SRC: variants seen among roughly 807,000 people sequenced by gnomAD.
SRC encodes SRC proto-oncogene, non-receptor tyrosine kinase, also known as proto-oncogene tyrosine-protein kinase Src.
Under a neutral mutation model 62.9 loss-of-function variants are expected in SRC, and 13 were observed. The observed-to-expected ratio is 0.21, with a 90% CI of 0.13 to 0.33. The LOEUF is 0.33. Among genes scored for constraint, SRC ranks in the 10% least tolerant of loss-of-function variants. SRC has a pLI of 1.00. For missense variants in SRC, 457 were observed against 737.3 expected, an observed-to-expected ratio of 0.62 and a Z score of 4.40; for synonymous variants, 302 against 317.5, an observed-to-expected ratio of 0.95 and a Z score of 0.52.
Position 37,402,335 on chromosome 20 carries a change from G to T in SRC, c.1117-100G>T. The T allele has an allele frequency of 2.1e-6, 3 of 1,433,434 alleles. No individual in the cohort carries two copies. Among genetic ancestry groups the T allele is most frequent in the Non-Finnish European group, 2.9e-6 (3 of 1,052,408 alleles). 88.8% of individuals were successfully genotyped at this position (1,433,434 alleles called of 1,614,324 possible). On this transcript the variant is annotated intron_variant, in intron 11 of 13. Transcript: ENST00000373578. The surrounding 1 kb of genome is among the most constrained non-coding windows in gnomAD (Gnocchi z 6.2). ...CACTTGCCTGAAGAAGTGTGGGGAG[G>T]GTGGGGAAGGGGTGGTTGGCTCTCC...
chr20:37,388,482 A>C (rs2070490588), intron 5 of SRC, among the ~76,000 whole-genome samples: 1 of 152,212 alleles, frequency 6.6e-6, no homozygotes, highest in African/African-American at 2.4e-5. Context: ...GCGGTGGCTC[A>C]CGCCTGTAAT....
At position 37,403,033 on chromosome 20, in the gene SRC, C is replaced by T. The variant is rs909866139; in HGVS notation, c.1403-138C>T. 3.0e-6 allele frequency: 4 copies of T among 1,313,698 alleles called. No homozygotes were observed. Among genetic ancestry groups the T allele is most frequent in the Non-Finnish European group, 4.1e-6 (4 of 980,142 alleles). The allele number at this position is 1,313,698 out of a possible 1,614,324, so 81.4% of individuals were successfully genotyped here. A position where few individuals can be genotyped will look rare whatever the true frequency, so the allele number is the denominator to read the frequency against. ...AGGCTCTCTCGATGGTCCATGCTCT[C>T]AGCTTCGGGGACAGGACTTATCTAT... is the stretch of plus-strand genomic sequence containing the variant. On this transcript the variant is annotated intron_variant, in intron 13 of 13. Coordinates refer to ENST00000373578, the MANE Select transcript of SRC (RefSeq NM_198291.3). The surrounding 1 kb of genome is among the most constrained non-coding windows in gnomAD (Gnocchi z 7.1).
chr20:37,389,954 T>G (rs1601005231), intron 5 of SRC, among the ~76,000 whole-genome samples: 1 of 152,162 alleles, frequency 6.6e-6, no homozygotes, highest in Non-Finnish European at 1.5e-5. Context: ...TTCCTCTCCC[T>G]GATGGCTTGA....
Position 37,400,311 on chromosome 20 carries a change from C to G in SRC, c.1039+17C>G. ...TGAGCAAGGGTGAGTCCTGGGCGGC[C>G]GGGGCAGGGGGCAGGGGCACTCCGG... On this transcript the variant is annotated intron_variant, in intron 10 of 13. Coordinates refer to ENST00000373578, the MANE Select transcript of SRC (RefSeq NM_198291.3). The G allele has an allele frequency of 6.3e-7, 1 of 1,595,872 alleles. No individual in the cohort carries two copies. Among genetic ancestry groups the G allele is most frequent in the Non-Finnish European group, 8.6e-7 (1 of 1,168,194 alleles).
chr20:37,373,864 C>G (rs999606682), intron 2 of SRC, among the ~76,000 whole-genome samples: 1 of 152,148 alleles, frequency 6.6e-6, no homozygotes, highest in African/African-American at 2.4e-5. Context: ...TACTGATGTG[C>G]CAATAGCACA....
Position 37,384,367 on chromosome 20 carries a change from A to G in SRC, c.214A>G (p.Thr72Ala). 1.4e-6 allele frequency: 2 copies of G among 1,460,258 alleles called. No homozygotes were observed. The highest frequency in any genetic ancestry group is 1.9e-4 in the Middle Eastern group (1 of 5,394). The allele number at this position is 1,460,258 out of a possible 1,614,324, so 90.5% of individuals were successfully genotyped here. Residue 72 changes from threonine to alanine, a missense_variant, in exon 4 of 14, where the codon ACC becomes GCC. Physicochemically the swap from Thr to Ala is moderately conservative, Grantham distance 58. Around this residue, in one of 4 missense-constraint regions of SRC, gnomAD observed 132 missense variants for 135.4 expected, o/e 0.98. Transcript: ENST00000373578. The surrounding 1 kb of genome is among the most constrained non-coding windows in gnomAD (Gnocchi z 6.7). Reference protein sequence around the residue: ...KLFGGFNSSDTVTSPQRAGPL... With the variant: ...KLFGGFNSSDAVTSPQRAGPL... ...GTTCGGAGGCTTCAACTCCTCGGAC[A>G]CCGTCACCTCCCCGCAGAGGGCGGG...
chr20:37,370,729 G>A (rs1269733206), intron 2 of SRC, among the ~76,000 whole-genome samples: 1 of 152,030 alleles, frequency 6.6e-6, no homozygotes, highest in Non-Finnish European at 1.5e-5. Flanking sequence ...AAAAGTCATT[G>A]GTCTGTAATT....
At chr20:37,353,642 C>T (rs770703986) in intron 1 of SRC, among the ~76,000 whole-genome samples, 9 of 152,216 alleles carry the variant, frequency 5.9e-5, no homozygotes, top group South Asian at 2.1e-4. Flanking sequence ...GTAGTGGTCC[C>T]GGCCCCATTT....
At position 37,369,902 on chromosome 20, in the gene SRC, C is replaced by T. The variant is rs963313458; in HGVS notation, c.-173+4625C>T. ...GAAACCTTTGCCTCCTGGGTTCAAG[C>T]GATTCTCCTGCCTCGGCCTCCTGAG... On this transcript the variant is annotated intron_variant, in intron 2 of 13. Transcript: ENST00000373578. 6.6e-5 allele frequency among the ~76,000 whole-genome samples: 10 copies of T among 152,106 alleles called. No individual in the cohort carries two copies. The South Asian group carries it at 1.2e-3, about 19-fold the overall frequency.
At chr20:37,393,779 C>T in intron 5 of SRC, 116 bp from the exon 6 acceptor site, 1 of 739,794 alleles carries the variant, frequency 1.4e-6, no homozygotes, top group East Asian at 2.7e-5. Flanking sequence ...CCACCACCTC[C>T]CTGGGCCTCC....
At chr20:37,391,741 C>G (rs1371620764) in intron 5 of SRC, among the ~76,000 whole-genome samples, 2 of 152,130 alleles carry the variant, frequency 1.3e-5, no homozygotes, top group Admixed American at 1.3e-4. Flanking sequence ...GTAATCCCAA[C>G]TACTCAGGAG....
chr20:37,400,427 C>G, intron 10 of SRC, 133 bp downstream of exon 10: 1 of 794,936 alleles, frequency 1.3e-6, no homozygotes, highest in Non-Finnish European at 1.8e-6. Context: ...TCTCTGTTGC[C>G]TGGGCCGGAG....
chr20:37,400,353 G>A (rs2070719738), intron 10 of SRC, 59 bp downstream of exon 10: 5 of 1,452,316 alleles, frequency 3.4e-6, no homozygotes, highest in Admixed American at 4.3e-5. Context: ...CAGGGAGCAT[G>A]AGCCTCATTT....
chr20:37,375,456 G>A (rs2070262010), intron 2 of SRC, among the ~76,000 whole-genome samples: 2 of 151,934 alleles, frequency 1.3e-5, no homozygotes, highest in Admixed American at 1.3e-4. Flanking sequence ...AGGCTAGTCT[G>A]AAACTCCTCA....
Position 37,394,284 on chromosome 20 carries a change from G to A in SRC, c.553+7G>A, listed in dbSNP as rs1300893514. 2 of 1,613,228 alleles carry A rather than the reference G, an allele frequency of 1.2e-6. No homozygotes were observed. The highest frequency in any genetic ancestry group is 1.7e-6 in the Non-Finnish European group (2 of 1,179,498). On this transcript the variant is annotated splice_region_variant and intron_variant, in intron 7 of 13. Transcript: ENST00000373578. ...GAAAGTGAGACCACGAAAGGTACGA[G>A]CGCTCTTGCTGGCCAACGGATACTG...
chr20:37,369,650 G>A (rs1276457107), intron 2 of SRC, among the ~76,000 whole-genome samples: 1 of 151,858 alleles, frequency 6.6e-6, no homozygotes, highest in South Asian at 2.1e-4. Flanking sequence ...CTAATTGTCC[G>A]GGCTAGAAGC....
Position 37,402,455 on chromosome 20 carries a change from C to T in SRC, c.1137C>T (p.Tyr379=), listed in dbSNP as rs370628677. ...TGCAGATCGCCTCAGGCATGGCGTA[C>T]GTGGAGCGGATGAACTACGTCCACC... ...MAAQIASGMA[Y]VERMNYVHRD... Residue 379 remains tyrosine, a synonymous_variant, in exon 12 of 14, where the codon TAC becomes TAT. Transcript: ENST00000373578. The surrounding 1 kb of genome is among the most constrained non-coding windows in gnomAD (Gnocchi z 6.2). 14 of 1,613,780 alleles carry T rather than the reference C, an allele frequency of 8.7e-6. No individual in the cohort carries two copies. Among genetic ancestry groups the T allele is most frequent in the Admixed American group, 8.3e-5 (5 of 59,922 alleles).
intron 2 of SRC, among the ~76,000 whole-genome samples, chr20:37,369,596 C>T (rs552048090): frequency 7.2e-4 from 109 of 152,022 alleles, no homozygotes; most frequent in Non-Finnish European, 1.2e-3. Context: ...GAGAGTTTTC[C>T]TTCTTCCTTT....
chr20:37,366,701 A>G lies in SRC; in HGVS notation c.-173+1424A>G, dbSNP rs2070067936. Reference sequence around the variant, plus strand: ...AAGATTCACTCATGTTGTAGCATGGATCAATATTTCATTTTTTTTTCTTGC... The same window carrying G: ...AAGATTCACTCATGTTGTAGCATGGGTCAATATTTCATTTTTTTTTCTTGC... On this transcript the variant is annotated intron_variant, in intron 2 of 13. Coordinates refer to ENST00000373578, the MANE Select transcript of SRC (RefSeq NM_198291.3). Among the ~76,000 whole-genome samples, 7 of 152,138 alleles carry G rather than the reference A, an allele frequency of 4.6e-5. No homozygotes were observed. In the South Asian group the frequency reaches 1.2e-3, roughly 27 times the overall value.
Sources: gnomAD v4.1 joint callset for allele counts (sites outside exome capture counted in the v4.1 genomes callset) on GRCh38, gnomAD v4.1.1 for gene constraint, gnomAD v4.1.1 regional missense constraint, Gnocchi (gnomAD v3.1) non-coding constraint, MANE v1.5 for transcripts, NCBI Gene and HGNC (gene_info 2026-07-23, HGNC 2026-07-21) for gene names.